The following EXOC6 variants were observed in gnomAD, a reference collection of about 807,000 sequenced individuals.
The protein encoded by EXOC6 is SEC15-like 1.
EXOC6 carries 60 observed loss-of-function variants against 112.5 expected under a neutral mutation model. The observed-to-expected ratio is 0.53, with a 90% CI of 0.43 to 0.66. EXOC6 has a LOEUF of 0.66. Among genes scored for constraint, EXOC6 ranks in the 30% least tolerant of loss-of-function variants. The probability of loss-of-function intolerance (pLI) is 0.00; values close to 1 mark genes in which losing one functional copy is unlikely to be tolerated. For missense variants in EXOC6, 855 were observed against 957.1 expected (o/e 0.89, Z 1.41); for synonymous variants, 295 against 308.0 (o/e 0.96, Z 0.44).
Position 92,928,408 on chromosome 10 carries a change from C to A in EXOC6, c.958C>A (p.Pro320Thr), listed in dbSNP as rs1434648880. Residue 320 changes from proline to threonine, a missense_variant, in exon 9 of 22, where the codon CCC becomes ACC. Transcript: ENST00000260762. Reference protein sequence around the residue: ...RKKQARLVLQPQSNMHETVDG... With the variant: ...RKKQARLVLQTQSNMHETVDG... ...GAAACAAGCAAGACTGGTATTGCAA[C>A]CCCAGTCGAATATGGTAAGTATGCG... 28 of 1,601,926 alleles carry A rather than the reference C, an allele frequency of 1.7e-5. No homozygotes were observed. Among genetic ancestry groups the A allele is most frequent in the Non-Finnish European group, 2.4e-5 (28 of 1,170,950 alleles).
At chr10:92,827,474 CAAAAAAAAAA>C (rs60863083) in intron 1 of EXOC6, among the ~76,000 whole-genome samples, 109 of 33,214 alleles carry the variant, frequency 3.3e-3, no homozygotes, top group African/African-American at 0.012. Context: ...GCCCTGTTGC[CAAAAAAAAAA>C]AAAAAAAAAA....
intron 18 of EXOC6, among the ~76,000 whole-genome samples, chr10:92,978,534 G>A (rs1176187358): frequency 1.3e-5 from 2 of 152,102 alleles, no homozygotes; most frequent in Non-Finnish European, 2.9e-5. Context: ...AGTCAATAGA[G>A]TGATTATATT....
intron 1 of EXOC6, among the ~76,000 whole-genome samples, chr10:92,887,367 A>T (rs1476131023): frequency 6.6e-6 from 1 of 151,440 alleles, no homozygotes; most frequent in East Asian, 1.9e-4. Context: ...GGATTAAATC[A>T]ACTACTTGTA....
rs796891143 is a variant in EXOC6, at chr10:93,059,343, G to GT, written c.*989dup. 19 of 152,264 alleles carry GT rather than the reference G, an allele frequency of 1.2e-4. No homozygotes were observed. The highest frequency in any genetic ancestry group is 4.6e-4 in the African/African-American group (19 of 41,562). The allele number at this position is 152,264 out of a possible 1,614,324, so 9.4% of individuals were successfully genotyped here. A position where few individuals can be genotyped will look rare whatever the true frequency, so the allele number is the denominator to read the frequency against. On this transcript the variant is annotated 3_prime_UTR_variant, in exon 22 of 22. Transcript: ENST00000260762. ...ATCCAGTCTTTATTCTCCCTTTGTTGTATTTATGCTGAATCTTCCCTTTGC... is the reference window on the plus strand; with the variant it reads ...ATCCAGTCTTTATTCTCCCTTTGTTGTTATTTATGCTGAATCTTCCCTTTGC...
intron 6 of EXOC6, among the ~76,000 whole-genome samples, chr10:92,914,167 C>T (rs1157513584): frequency 6.6e-6 from 1 of 152,084 alleles, no homozygotes; most frequent in African/African-American, 2.4e-5. Flanking sequence ...CAGCGGCATT[C>T]GATTCTCATA....
Position 92,915,806 on chromosome 10 carries a change from A to G in EXOC6, c.712A>G (p.Met238Val), listed in dbSNP as rs1851049452. 2 of 1,536,936 alleles carry G rather than the reference A, an allele frequency of 1.3e-6. No individual in the cohort carries two copies. Among genetic ancestry groups the G allele is most frequent in the Non-Finnish European group, 8.7e-7 (1 of 1,152,560 alleles). ...TGTTTCTCTGCAGAAACAAAATAAA[A>G]TGAAATTTGGGAAAAATATGTATAT... is the stretch of plus-strand genomic sequence containing the variant. Reference protein sequence around the residue: ...FSVSLQKQNKMKFGKNMYINR... With the variant: ...FSVSLQKQNKVKFGKNMYINR... Residue 238 changes from methionine (M) to valine (V), a missense_variant, in exon 7 of 22, where the codon ATG becomes GTG. Physicochemically the swap from Met to Val is conservative, Grantham distance 21. This residue lies in a region of EXOC6 where 405 missense variants were observed against 393.6 expected (regional missense o/e 1.03). Coordinates refer to ENST00000260762, the MANE Select transcript of EXOC6 (RefSeq NM_019053.6).
chr10:92,908,408 T>C (rs184739497), intron 5 of EXOC6, among the ~76,000 whole-genome samples: 1 of 152,262 alleles, frequency 6.6e-6, no homozygotes, highest in Non-Finnish European at 1.5e-5. Context: ...TCTATCAACT[T>C]ACTTTGTTTT....
chr10:92,899,303 T>A (rs188438331), intron 4 of EXOC6, among the ~76,000 whole-genome samples: 38 of 152,310 alleles, frequency 2.5e-4, no homozygotes, highest in Admixed American at 1.7e-3. Flanking sequence ...TAATTGTTAG[T>A]AGGCTAATGT....
At chr10:92,868,136 GA>G (rs979722187) in intron 1 of EXOC6, among the ~76,000 whole-genome samples, 4 of 152,024 alleles carry the variant, frequency 2.6e-5, no homozygotes, top group African/African-American at 9.7e-5. Flanking sequence ...TGAGTCATAG[GA>G]AAGTTTTCCA....
At chr10:93,013,937 C>T (rs1380936928) in intron 19 of EXOC6, among the ~76,000 whole-genome samples, 1 of 152,100 alleles carries the variant, frequency 6.6e-6, no homozygotes, top group East Asian at 1.9e-4. Context: ...GTAAGAAAAC[C>T]CTCCTAAATT....
At chr10:92,910,183 G>A (rs760716401) in intron 6 of EXOC6, among the ~76,000 whole-genome samples, 1 of 152,192 alleles carries the variant, frequency 6.6e-6, no homozygotes, top group African/African-American at 2.4e-5. Flanking sequence ...GATAGTCATA[G>A]CATCTTTGTT....
intron 5 of EXOC6, chr10:92,900,667 A>G (rs1014456700): frequency 5.3e-5 from 8 of 151,884 alleles, no homozygotes; most frequent in Non-Finnish European, 8.8e-5. Flanking sequence ...CTGCCAAAAA[A>G]AAAAAAAACA....
chr10:92,897,185 G>A (rs1006019352), intron 4 of EXOC6, among the ~76,000 whole-genome samples: 3 of 152,158 alleles, frequency 2.0e-5, no homozygotes, highest in Non-Finnish European at 2.9e-5. Context: ...ACTGGGCTAT[G>A]TAAAATAGAG....
intron 18 of EXOC6, among the ~76,000 whole-genome samples, chr10:92,980,325 G>C (rs1842782697): frequency 6.6e-6 from 1 of 152,116 alleles, no homozygotes; most frequent in Non-Finnish European, 1.5e-5. Flanking sequence ...TTTTCCCATA[G>C]GACTGTCATA....
chr10:92,952,566 C>T (rs568813194), intron 15 of EXOC6, among the ~76,000 whole-genome samples, 184 bp downstream of exon 15: 58 of 152,198 alleles, frequency 3.8e-4, no homozygotes, highest in African/African-American at 1.3e-3. Flanking sequence ...ACCCAGGTAG[C>T]GAGCATAGTA....
intron 19 of EXOC6, among the ~76,000 whole-genome samples, chr10:93,006,553 C>T (rs1358850819): frequency 6.6e-6 from 1 of 152,090 alleles, no homozygotes; most frequent in Non-Finnish European, 1.5e-5. Flanking sequence ...TGTTGCTGAC[C>T]GCATACAGCA....
At chr10:92,926,034 G>A (rs1851695166) in intron 8 of EXOC6, among the ~76,000 whole-genome samples, 1 of 143,528 alleles carries the variant, frequency 7.0e-6, no homozygotes. Context: ...TAGATTTTAG[G>A]TTTTAGGGTG....
At chr10:92,855,938 C>G (rs1047110420) in intron 1 of EXOC6, among the ~76,000 whole-genome samples, 1 of 152,078 alleles carries the variant, frequency 6.6e-6, no homozygotes, top group African/African-American at 2.4e-5. Context: ...GATCTTGGCT[C>G]ACTGCAACCT....
chr10:92,866,989 TTAAAC>T (rs1311335724), intron 1 of EXOC6, among the ~76,000 whole-genome samples: 4 of 152,158 alleles, frequency 2.6e-5, no homozygotes, highest in Admixed American at 6.5e-5. Flanking sequence ...ACTTTATAGT[TTAAAC>T]TATTAATAGA....
Sources: allele counts gnomAD v4.1 joint callset (sites outside exome capture counted in the v4.1 genomes callset), GRCh38; gene constraint gnomAD v4.1.1; regional missense constraint gnomAD v4.1.1; transcripts MANE v1.5; gene names NCBI Gene and HGNC (gene_info 2026-07-23, HGNC 2026-07-21).